ABCC2: variants seen among roughly 807,000 people sequenced by gnomAD.
ABCC2 encodes ATP binding cassette subfamily C member 2.
Under a neutral mutation model 173.4 loss-of-function variants are expected in ABCC2, and 157 were observed. The ratio of observed to expected loss-of-function variants is 0.91; its 90% CI spans 0.80 to 1.03. ABCC2 has a LOEUF of 1.03. Ranked by LOEUF, ABCC2 falls within the 50% of genes least tolerant of loss-of-function variation. The pLI is 0.00. For missense variants in ABCC2, 1,822 were observed against 1,852.3 expected (o/e 0.98, Z 0.30); for synonymous variants, 657 against 693.5 (o/e 0.95, Z 0.83).
At chr10:99,826,072 A>G (rs2038633559) in intron 19 of ABCC2, among the ~76,000 whole-genome samples, 1 of 152,196 alleles carries the variant, frequency 6.6e-6, no homozygotes, top group African/African-American at 2.4e-5. Flanking sequence ...CATCTTGGAC[A>G]TAAGTCAGGT....
Position 99,834,545 on chromosome 10 carries a change from G to A in ABCC2, c.3414+10G>A. On this transcript the variant is annotated intron_variant, in intron 24 of 31. Coordinates refer to ENST00000647814, the MANE Select transcript of ABCC2 (RefSeq NM_000392.5). ...TTATGTATCTGTTCAGGTAGGTTTG[G>A]AAATGGCTAAGTCATCCTTCCTTCC... 1 of 1,613,888 alleles carries A rather than the reference G, an allele frequency of 6.2e-7. No individual in the cohort carries two copies. Among genetic ancestry groups the A allele is most frequent in the Non-Finnish European group, 8.5e-7 (1 of 1,179,798 alleles).
At chr10:99,830,919 C>T (rs2038727773) in intron 21 of ABCC2, 68 bp downstream of exon 21, 2 of 1,589,702 alleles carry the variant, frequency 1.3e-6, no homozygotes, top group Admixed American at 3.3e-5. Flanking sequence ...TTTTAACGTT[C>T]AGTGAAAATT....
rs200331577 is a variant in ABCC2, at chr10:99,809,075, T to TG, written c.1815+848dup. Among the ~76,000 whole-genome samples the TG allele has an allele frequency of 5.4e-3, 827 of 152,266 alleles. 27 individuals are homozygous for TG. Among genetic ancestry groups the TG allele is most frequent in the Admixed American group, 0.048 (731 of 15,286 alleles). The stretch of plus-strand genomic sequence containing the variant: ...TGACACTGAATCAAAAAGGGTCAGA[T>TG]GGTGGCTGGGCTCACACCTGTAATC... On this transcript the variant is annotated intron_variant, in intron 13 of 31. Transcript: ENST00000647814.
intron 9 of ABCC2, among the ~76,000 whole-genome samples, chr10:99,801,553 G>A (rs911897231): frequency 6.6e-6 from 1 of 152,102 alleles, no homozygotes; most frequent in Non-Finnish European, 1.5e-5. Context: ...TGTTTTTAAT[G>A]GTTAACTTTC....
At position 99,830,371 on chromosome 10, in the gene ABCC2, C is replaced by T. The variant is rs201553035; in HGVS notation, c.2685C>T (p.Pro895=). The stretch of plus-strand genomic sequence containing the variant: ...TGATATCCAGTGTGGAAGAGATCCC[C>T]GAAGATGCAGCCTCCATAACCATGA... ...YGLISSVEEI[P]EDAASITMRR... The change falls in exon 20 of 32, where the codon CCC becomes CCT. Residue 895 remains proline (P), a synonymous_variant. Transcript: ENST00000647814. 95 of 1,614,122 alleles carry T rather than the reference C, an allele frequency of 5.9e-5. No homozygotes were observed. In the East Asian group the frequency reaches 1.7e-3, roughly 29 times the overall value.
At chr10:99,789,647 G>A (rs924204702) in intron 2 of ABCC2, among the ~76,000 whole-genome samples, 1 of 150,384 alleles carries the variant, frequency 6.6e-6, no homozygotes, top group African/African-American at 2.5e-5. Context: ...CCTGGGAGGC[G>A]GAGGTTGCAG....
At chr10:99,842,216 A>C in intron 26 of ABCC2, 123 bp downstream of exon 26, 1 of 1,391,764 alleles carries the variant, frequency 7.2e-7, no homozygotes, top group Non-Finnish European at 1.0e-6. Context: ...AAGAAGACTG[A>C]GGTTCAAACC....
intron 19 of ABCC2, among the ~76,000 whole-genome samples, chr10:99,828,366 G>A (rs2038681177): frequency 6.6e-6 from 1 of 152,120 alleles, no homozygotes; most frequent in Non-Finnish European, 1.5e-5. Flanking sequence ...AGGGCAAGGT[G>A]AGCTGCACTG....
chr10:99,812,227 A>C (rs1168276520), intron 15 of ABCC2, among the ~76,000 whole-genome samples: 1 of 152,194 alleles, frequency 6.6e-6, no homozygotes, highest in East Asian at 1.9e-4. Context: ...CTCCAGAGCT[A>C]GCCCCAGGAT....
Position 99,807,744 on chromosome 10 carries a change from C to A in ABCC2, c.1668+223C>A, listed in dbSNP as rs57420310. On this transcript the variant is annotated intron_variant, in intron 12 of 31. Transcript: ENST00000647814. ...CTGTACGATGGTCTGGCTCCCAGAG[C>A]AACTTTTCAGGATGCACAGCAAGAA... is the stretch of plus-strand genomic sequence containing the variant. 0.015 allele frequency among the ~76,000 whole-genome samples: 2,253 copies of A among 152,314 alleles called. 66 individuals are homozygous for A. Among genetic ancestry groups the A allele is most frequent in the African/African-American group, 0.051 (2,101 of 41,560 alleles).
chr10:99,811,488 G>C (rs1177721479), intron 14 of ABCC2, 48 bp from the exon 15 acceptor site: 1 of 1,575,800 alleles, frequency 6.3e-7, no homozygotes, highest in Non-Finnish European at 8.7e-7. Context: ...AGGGCAGACA[G>C]TCACGTGGGG....
chr10:99,845,918 C>G (rs150229654), intron 29 of ABCC2, 136 bp downstream of exon 29: 1 of 994,468 alleles, frequency 1.0e-6, no homozygotes, highest in Non-Finnish European at 1.5e-6. Flanking sequence ...TGAGCTAGTT[C>G]CCTAGGATGG....
rs777014829 is a variant in ABCC2 at position 99,793,648 on chromosome 10, C to T, written c.431C>T (p.Thr144Ile). The change falls in exon 4 of 32, where the codon ACT becomes ATT. Residue 144 changes from threonine to isoleucine, a missense_variant. Transcript: ENST00000647814. ...TGGATTCTCTCGATACTCTGTGGCA[C>T]TTTCCAATTTCAGACTCTGATCCGG... ...LFWILSILCG[T>I]FQFQTLIRTL... 3.1e-6 allele frequency: 5 copies of T among 1,613,982 alleles called. No homozygotes were observed. The African/African-American group carries it at 4.0e-5, about 13-fold the overall frequency.
chr10:99,801,526 G>A (rs906258968), intron 9 of ABCC2, among the ~76,000 whole-genome samples: 2 of 152,162 alleles, frequency 1.3e-5, no homozygotes, highest in Non-Finnish European at 2.9e-5. Flanking sequence ...ATGAGCCAAC[G>A]CGCCTGGCCG....
intron 19 of ABCC2, 64 bp from the exon 20 acceptor site, chr10:99,830,243 C>T: frequency 1.9e-6 from 3 of 1,609,568 alleles, no homozygotes; most frequent in Admixed American, 3.3e-5. Context: ...CTTCTCTCTC[C>T]TTGTTCATAG....
At position 99,814,752 on chromosome 10, in the gene ABCC2, TATACAC is replaced by T. The variant is rs1175706181; in HGVS notation, c.2094+1610_2094+1615del. ...GTGTGTGTATGTGTATATGTATGTA[TATACAC>T]ACACATATATGTGTGTGTATGTATA... On this transcript the variant is annotated intron_variant, in intron 16 of 31. Transcript: ENST00000647814. Among the ~76,000 whole-genome samples the T allele has an allele frequency of 9.3e-4, 130 of 140,098 alleles. 2 individuals are homozygous for T. The highest frequency in any genetic ancestry group is 3.5e-3 in the African/African-American group (128 of 36,466). The allele number at this position is 140,098 out of a possible 152,430, so 91.9% of individuals were successfully genotyped here.
At chr10:99,813,225 A>G in intron 16 of ABCC2, 81 bp downstream of exon 16, 1 of 1,536,534 alleles carries the variant, frequency 6.5e-7, no homozygotes, top group Non-Finnish European at 8.9e-7. Flanking sequence ...GGGAGAAGGC[A>G]CTGAGGGCTA....
intron 16 of ABCC2, among the ~76,000 whole-genome samples, chr10:99,814,536 T>TATGTGTATATACAC: frequency 8.0e-6 from 1 of 125,660 alleles, no homozygotes; most frequent in African/African-American, 2.9e-5. Flanking sequence ...TATATACACA[T>TATGTGTATATACAC]ATACACACAC....
At chr10:99,834,265 T>A in intron 23 of ABCC2, 115 bp from the exon 24 acceptor site, 3 of 1,041,328 alleles carry the variant, frequency 2.9e-6, no homozygotes, top group Non-Finnish European at 4.4e-6. Flanking sequence ...AATGATTACA[T>A]GAAGGAGTAC....
Sources: allele counts gnomAD v4.1 joint callset (sites outside exome capture counted in the v4.1 genomes callset), GRCh38; gene constraint gnomAD v4.1.1; transcripts MANE v1.5; gene names NCBI Gene and HGNC (gene_info 2026-07-23, HGNC 2026-07-21).